Variants in LRRC9 observed in about 807,000 individuals in gnomAD.
LRRC9 encodes leucine rich repeat containing 9.
LRRC9 carries 122 observed loss-of-function variants against 63.2 expected under a neutral mutation model. The ratio of observed to expected loss-of-function variants is 1.93; its 90% confidence interval spans 1.67 to 2.24. The LOEUF (loss-of-function observed/expected upper bound fraction) is 2.24. Among genes scored for constraint, LRRC9 ranks in the 30% most tolerant of loss-of-function variants. The pLI is 0.00. For synonymous variants in LRRC9, 366 were observed against 213.1 expected (o/e 1.72, Z -6.25); for missense variants, 1,071 against 627.7 (o/e 1.71, Z -7.55).
At chr14:59,934,686 C>T (rs976640069) in intron 6 of LRRC9, among the ~76,000 whole-genome samples, 2 of 152,176 alleles carry the variant, frequency 1.3e-5, no homozygotes, top group Non-Finnish European at 2.9e-5. Flanking sequence ...ACATGTGTAT[C>T]TTTCCCCTTC....
chr14:59,996,654 T>C (rs990737834), intron 17 of LRRC9, among the ~76,000 whole-genome samples: 2 of 152,132 alleles, frequency 1.3e-5, no homozygotes, highest in Non-Finnish European at 2.9e-5. Context: ...CCAGTAATAA[T>C]GTAAATTAAA....
intron 29 of LRRC9, among the ~76,000 whole-genome samples, chr14:60,048,407 A>T (rs1893614480): frequency 6.6e-6 from 1 of 152,132 alleles, no homozygotes; most frequent in Non-Finnish European, 1.5e-5. Context: ...ACTAGTAAAG[A>T]AGAAAAGAGA....
In LRRC9 at chr14:59,964,654, G is replaced by A. The variant is rs914908884; in HGVS notation, c.1212-1935G>A. Among the ~76,000 whole-genome samples the A allele has an allele frequency of 6.6e-6, 1 of 152,174 alleles. No individual in the cohort carries two copies. Among genetic ancestry groups the A allele is most frequent in the Non-Finnish European group, 1.5e-5 (1 of 68,038 alleles). On this transcript the variant is annotated intron_variant, in intron 10 of 31. Transcript: ENST00000445360. This position sits in a 1 kb window ranked among gnomAD's most constrained non-coding sequence, Gnocchi z 4.4. ...CTATCAGAGTGCAGAAAGCTTCCAG[G>A]ACATGTTACTTAGGGGAAATTTGAC...
intron 29 of LRRC9, among the ~76,000 whole-genome samples, chr14:60,041,126 C>G (rs219418): frequency 0.74 from 112,370 of 151,390 alleles, 44,168 homozygotes; most frequent in Non-Finnish European, 0.87. Flanking sequence ...GCTGAGAGAT[C>G]CACTTTTAGT....
intron 12 of LRRC9, among the ~76,000 whole-genome samples, chr14:59,971,647 G>C (rs991318891): frequency 2.6e-5 from 4 of 151,916 alleles, no homozygotes; most frequent in Admixed American, 2.6e-4. Flanking sequence ...CTCTCTCCTG[G>C]TCTTCTTTCC....
chr14:59,985,223 T>G (rs1446663183), exon 17 of LRRC9: 1 of 635,252 alleles, frequency 1.6e-6, no homozygotes. Context: ...GTATACCACT[T>G]GGTAAGAATT....
At chr14:59,979,393 C>T (rs1469421532) in intron 15 of LRRC9, among the ~76,000 whole-genome samples, 1 of 152,088 alleles carries the variant, frequency 6.6e-6, no homozygotes, top group Non-Finnish European at 1.5e-5. Flanking sequence ...CCAAGGCAGG[C>T]GGATCATGAG....
chr14:60,001,973 T>A, exon 20 of LRRC9: 1 of 683,576 alleles, frequency 1.5e-6, no homozygotes. Flanking sequence ...TAGTTATCTC[T>A]CTTACGGCAT....
At chr14:60,047,825 C>A (rs534461965) in intron 29 of LRRC9, among the ~76,000 whole-genome samples, 3 of 152,138 alleles carry the variant, frequency 2.0e-5, no homozygotes, top group African/African-American at 4.8e-5. Context: ...CTCTCTACCC[C>A]CCAGCAACAA....
intron 26 of LRRC9, among the ~76,000 whole-genome samples, chr14:60,019,637 T>C (rs1305868485): frequency 1.3e-5 from 2 of 151,874 alleles, no homozygotes; most frequent in Non-Finnish European, 1.5e-5. Flanking sequence ...TTTTAGTTTC[T>C]TCATCATAAA....
At chr14:59,955,351 T>A (rs949431797) in intron 8 of LRRC9, among the ~76,000 whole-genome samples, 2 of 152,232 alleles carry the variant, frequency 1.3e-5, no homozygotes, top group African/African-American at 4.8e-5. Flanking sequence ...TGGATTCAAC[T>A]TCTTTCTGGT....
In LRRC9 at chr14:59,958,194, C is replaced by G. The variant is rs1353660222; in HGVS notation, c.883-1624C>G. On this transcript the variant is annotated intron_variant, in intron 8 of 31. Coordinates refer to ENST00000445360, the Ensembl canonical transcript of LRRC9. The surrounding 1 kb of genome is among the most constrained non-coding windows in gnomAD (Gnocchi z 4.0). Reference sequence around the variant, plus strand: ...CCCTCTTGTCAGGATTAGCTGCTCTCTTCAGAGCTGGCAGGCAGGAACGAT... The same window carrying G: ...CCCTCTTGTCAGGATTAGCTGCTCTGTTCAGAGCTGGCAGGCAGGAACGAT... Among the ~76,000 whole-genome samples the G allele has an allele frequency of 6.6e-6, 1 of 152,242 alleles. No homozygotes were observed. Among genetic ancestry groups the G allele is most frequent in the Non-Finnish European group, 1.5e-5 (1 of 68,044 alleles).
At chr14:59,999,493 TCAC>T (rs1440920968) in intron 19 of LRRC9, among the ~76,000 whole-genome samples, 1 of 152,016 alleles carries the variant, frequency 6.6e-6, no homozygotes, top group African/African-American at 2.4e-5. Context: ...TCACCTGAAC[TCAC>T]CAGAGCCCTT....
rs1239313015 is a variant in LRRC9 at position 59,930,271 on chromosome 14, C to T, written c.268-647C>T. On this transcript the variant is annotated intron_variant, in intron 3 of 31. Coordinates refer to ENST00000445360, the Ensembl canonical transcript of LRRC9. This position sits in a 1 kb window ranked among gnomAD's most constrained non-coding sequence, Gnocchi z 4.9. ...AGAAATATTGCAAAACATCAAGAGC[C>T]ATCACAGAAATGCACAGGGCATACG... 1.3e-5 allele frequency among the ~76,000 whole-genome samples: 2 copies of T among 151,738 alleles called. No homozygotes were observed. The highest frequency in any genetic ancestry group is 2.9e-5 in the Non-Finnish European group (2 of 67,884).
chr14:59,999,104 G>T, exon 19 of LRRC9: 1 of 655,010 alleles, frequency 1.5e-6, no homozygotes, highest in Non-Finnish European at 2.7e-6. Context: ...TCCCAAGCCA[G>T]CCACATTGAG....
chr14:59,959,791 T>G, intron 8 of LRRC9, 27 bp from the exon 9 acceptor site: 1 of 550,350 alleles, frequency 1.8e-6, no homozygotes, highest in Non-Finnish European at 3.2e-6. Flanking sequence ...ATTTTTATTT[T>G]GCTCTCTGAC....
At chr14:59,979,537 G>C (rs1035097570) in intron 15 of LRRC9, among the ~76,000 whole-genome samples, 1 of 145,826 alleles carries the variant, frequency 6.9e-6, no homozygotes, top group African/African-American at 2.4e-5. Flanking sequence ...GCGTGAACCC[G>C]GGAGGCAGAG....
At chr14:59,987,407 C>A (rs1361200504) in intron 17 of LRRC9, among the ~76,000 whole-genome samples, 5 of 41,112 alleles carry the variant, frequency 1.2e-4, no homozygotes, top group East Asian at 5.4e-4. Context: ...AAATGTAGGC[C>A]AACAACAAAA....
downstream of LRRC9, among the ~76,000 whole-genome samples, chr14:60,063,898 A>C (rs1894804761): frequency 6.6e-6 from 1 of 152,172 alleles, no homozygotes. Context: ...GGTTTTTAGG[A>C]CTGTATTTTT....
Sources: gnomAD v4.1 joint callset for allele counts (sites outside exome capture counted in the v4.1 genomes callset) on GRCh38, gnomAD v4.1.1 for gene constraint, Gnocchi (gnomAD v3.1) non-coding constraint, MANE v1.5 for transcripts, NCBI Gene and HGNC (gene_info 2026-07-23, HGNC 2026-07-21) for gene names.